Variants in CHRM3 observed in about 807,000 individuals in gnomAD.
The protein encoded by CHRM3 is cholinergic receptor muscarinic 3, also known as muscarinic acetylcholine receptor M3.
In CHRM3, 11 loss-of-function variants were observed where a neutral mutation model predicts 41.8. The observed-to-expected ratio is 0.26, with a 90% confidence interval of 0.17 to 0.44. CHRM3 has a LOEUF of 0.44. Ranked by LOEUF, CHRM3 falls within the 20% of genes least tolerant of loss-of-function variation. The pLI is 1.00. For synonymous variants in CHRM3, 297 were observed against 301.4 expected (o/e 0.99, Z 0.15); for missense variants, 571 against 745.4 (o/e 0.77, Z 2.72).
intron 6 of CHRM3, among the ~76,000 whole-genome samples, chr1:239,905,301 T>C (rs1054093822): frequency 2.6e-5 from 4 of 152,154 alleles, no homozygotes; most frequent in African/African-American, 9.7e-5. Flanking sequence ...GTTCAGATTG[T>C]CTGGATGGAA....
chr1:239,736,295 G>A (rs1419806018), intron 5 of CHRM3, among the ~76,000 whole-genome samples: 1 of 151,936 alleles, frequency 6.6e-6, no homozygotes, highest in East Asian at 1.9e-4. Flanking sequence ...AATTGTCCCT[G>A]CCATCCCTTA....
At chr1:239,405,804 G>T (rs1660548206) in intron 1 of CHRM3, among the ~76,000 whole-genome samples, 1 of 152,076 alleles carries the variant, frequency 6.6e-6, no homozygotes, top group South Asian at 2.1e-4. Context: ...TGGACTGTAT[G>T]TTTTAAATAT....
At chr1:239,486,153 T>C (rs1479060090) in intron 1 of CHRM3, among the ~76,000 whole-genome samples, 1 of 152,204 alleles carries the variant, frequency 6.6e-6, no homozygotes, top group Non-Finnish European at 1.5e-5. Context: ...CTGTTTCTCT[T>C]TCCAAATGCT....
At chr1:239,530,451 A>G (rs183139526) in intron 2 of CHRM3, among the ~76,000 whole-genome samples, 95 of 152,322 alleles carry the variant, frequency 6.2e-4, no homozygotes, top group Non-Finnish European at 2.9e-4. Flanking sequence ...ATAATGAAAA[A>G]TACTAAGAAA....
At chr1:239,738,176 AAATTTTCTCT>A (rs1664545790) in intron 5 of CHRM3, among the ~76,000 whole-genome samples, 2 of 152,174 alleles carry the variant, frequency 1.3e-5, no homozygotes, top group Non-Finnish European at 2.9e-5. Context: ...CAATATGACT[AAATTTTCTCT>A]AATGGTACCT....
Position 239,634,376 on chromosome 1 carries a change from C to CGAAAGAAA in CHRM3, c.-250+2112_-250+2119dup, listed in dbSNP as rs370634927. Among the ~76,000 whole-genome samples, 590 of 135,554 alleles carry CGAAAGAAA rather than the reference C, an allele frequency of 4.4e-3. 3 individuals are homozygous for CGAAAGAAA. Among genetic ancestry groups the CGAAAGAAA allele is most frequent in the Middle Eastern group, 0.022 (6 of 272 alleles). 88.9% of individuals were successfully genotyped at this position (135,554 alleles called of 152,430 possible). A position where few individuals can be genotyped will look rare whatever the true frequency, so the allele number is the denominator to read the frequency against. ...GATAGAGAGCAAAAGCAAGAACAAACGAAAGAAAGAAAGAAAGAAAGAAAG... is the reference window on the plus strand; with the variant it reads ...GATAGAGAGCAAAAGCAAGAACAAACGAAAGAAAGAAAGAAAGAAAGAAAGAAAGAAAG... On this transcript the variant is annotated intron_variant, in intron 4 of 6. Transcript: ENST00000676153.
chr1:239,445,891 G>A (rs751911939), intron 1 of CHRM3, among the ~76,000 whole-genome samples: 1 of 151,862 alleles, frequency 6.6e-6, no homozygotes, highest in Non-Finnish European at 1.5e-5. Context: ...AGAGGGTACT[G>A]ACCCATTTAA....
chr1:239,527,952 A>T (rs10925905), intron 2 of CHRM3, among the ~76,000 whole-genome samples: 35,535 of 151,976 alleles, frequency 0.23, 4,668 homozygotes, highest in Middle Eastern at 0.42. Flanking sequence ...ATGAAAGTGG[A>T]CATGATGACA....
intron 5 of CHRM3, among the ~76,000 whole-genome samples, chr1:239,740,397 A>T (rs1664733759): frequency 6.6e-6 from 1 of 151,894 alleles, no homozygotes; most frequent in Admixed American, 6.6e-5. Flanking sequence ...TGAAATTTTG[A>T]CAAGATGTTC....
chr1:239,460,913 T>A (rs559032148), intron 1 of CHRM3, among the ~76,000 whole-genome samples: 1 of 152,328 alleles, frequency 6.6e-6, no homozygotes, highest in East Asian at 1.9e-4. Flanking sequence ...TAGTTCCTCA[T>A]AAAGAGACAT....
chr1:239,538,917 A>T (rs73116723), intron 2 of CHRM3, among the ~76,000 whole-genome samples: 1,864 of 152,338 alleles, frequency 0.012, 31 homozygotes, highest in African/African-American at 0.043. Flanking sequence ...TAAGTGCCCT[A>T]AAATAGTTAT....
At chr1:239,846,295 T>C (rs760615517) in intron 6 of CHRM3, among the ~76,000 whole-genome samples, 2 of 152,200 alleles carry the variant, frequency 1.3e-5, no homozygotes, top group Non-Finnish European at 2.9e-5. Flanking sequence ...ACTACTATAG[T>C]TACTGGCTGT....
At chr1:239,891,701 G>C (rs1678564815) in intron 6 of CHRM3, among the ~76,000 whole-genome samples, 1 of 152,214 alleles carries the variant, frequency 6.6e-6, no homozygotes, top group African/African-American at 2.4e-5. Flanking sequence ...CGAAGGTTGA[G>C]TTTCCAGCCC....
At chr1:239,659,483 T>C (rs1427244515) in intron 4 of CHRM3, among the ~76,000 whole-genome samples, 1 of 152,158 alleles carries the variant, frequency 6.6e-6, no homozygotes, top group Non-Finnish European at 1.5e-5. Context: ...GAACTTTCCA[T>C]GATGAAGGAA....
intron 1 of CHRM3, among the ~76,000 whole-genome samples, chr1:239,405,617 T>A (rs899417574): frequency 3.3e-5 from 5 of 152,038 alleles, no homozygotes; most frequent in Non-Finnish European, 5.9e-5. Context: ...AAAAAAAAAA[T>A]TGTTCTTTTA....
intron 5 of CHRM3, among the ~76,000 whole-genome samples, chr1:239,799,895 G>A (rs1258234984): frequency 6.6e-6 from 1 of 152,212 alleles, no homozygotes; most frequent in Non-Finnish European, 1.5e-5. Context: ...ACTGTAAACA[G>A]GTGTCTGCAA....
intron 2 of CHRM3, among the ~76,000 whole-genome samples, chr1:239,511,715 G>A (rs192737596): frequency 1.4e-4 from 21 of 152,180 alleles, no homozygotes; most frequent in Admixed American, 1.0e-3. Flanking sequence ...AAGTTTAATC[G>A]TACAAAGTAC....
chr1:239,404,398 AAGAAAGAAAGAAAAAGAAAGAAAGAAAG>A (rs1660319491), intron 1 of CHRM3, among the ~76,000 whole-genome samples: 85 of 69,240 alleles, frequency 1.2e-3, no homozygotes, highest in African/African-American at 4.5e-3. Flanking sequence ...GAAAGAAAGA[AAGAAAGAAAGAAAAAGAAAGAAAGAAAG>A]AAAGAAAGAA....
intron 1 of CHRM3, among the ~76,000 whole-genome samples, chr1:239,398,317 C>T (rs1038547906): frequency 3.9e-5 from 6 of 152,154 alleles, no homozygotes; most frequent in East Asian, 1.9e-4. Flanking sequence ...CCCACTGCAA[C>T]GTCTGCCTCC....
Sources: allele counts gnomAD v4.1 joint callset (sites outside exome capture counted in the v4.1 genomes callset), GRCh38; gene constraint gnomAD v4.1.1; transcripts MANE v1.5; gene names NCBI Gene and HGNC (gene_info 2026-07-23, HGNC 2026-07-21).